The following UGT2A2 variants were observed in gnomAD, a reference collection of about 807,000 sequenced individuals.
UGT2A2 encodes the protein UDP glucuronosyltransferase family 2 member A2, also known as UDP-glucuronosyltransferase 2A2.
Under a neutral mutation model 50.7 loss-of-function variants are expected in UGT2A2, and 60 were observed. The ratio of observed to expected loss-of-function variants is 1.18; its 90% CI spans 0.96 to 1.47. The LOEUF is 1.47. Ranked by LOEUF, UGT2A2 falls within the 40% of genes most tolerant of loss-of-function variation. The pLI, the probability that UGT2A2 is intolerant of heterozygous loss-of-function variation, is 0.00. For synonymous variants in UGT2A2, 242 were observed against 214.6 expected (o/e 1.13, Z -1.11); for missense variants, 762 against 634.0 (o/e 1.20, Z -2.17).
intron 5 of UGT2A2, 78 bp downstream of exon 5, chr4:69,594,399 A>G (rs1366214360): frequency 2.6e-6 from 4 of 1,534,306 alleles, no homozygotes; most frequent in Admixed American, 4.0e-5. Flanking sequence ...TTACAAAAGT[A>G]TAAAAGAATG....
At chr4:69,621,007 T>C (rs558252230) in intron 1 of UGT2A2, among the ~76,000 whole-genome samples, 2 of 152,164 alleles carry the variant, frequency 1.3e-5, no homozygotes, top group Non-Finnish European at 2.9e-5. Context: ...CAACTCAAGA[T>C]GGATTAAAAA....
At chr4:69,615,469 ACC>A (rs765404956) in intron 1 of UGT2A2, among the ~76,000 whole-genome samples, 47 of 152,146 alleles carry the variant, frequency 3.1e-4, no homozygotes, top group Admixed American at 5.9e-4. Context: ...TTTTCCATGT[ACC>A]CATCTGACAA....
intron 1 of UGT2A2, among the ~76,000 whole-genome samples, chr4:69,630,131 C>T (rs988656146): frequency 1.3e-5 from 2 of 151,946 alleles, no homozygotes; most frequent in Non-Finnish European, 1.5e-5. Flanking sequence ...AACTAAAATA[C>T]AGCCATATGG....
intron 1 of UGT2A2, among the ~76,000 whole-genome samples, chr4:69,629,474 A>G (rs1417290310): frequency 6.6e-6 from 1 of 152,022 alleles, no homozygotes; most frequent in Non-Finnish European, 1.5e-5. Context: ...TTGACTAGAT[A>G]GTTTATGTTA....
intron 1 of UGT2A2, among the ~76,000 whole-genome samples, chr4:69,627,568 A>AGAG (rs1560486876): frequency 1.3e-5 from 2 of 148,756 alleles, no homozygotes; most frequent in African/African-American, 2.5e-5. Flanking sequence ...GAGAGAGAGA[A>AGAG]AGAAAGAGAG....
rs1353464439 is a variant in UGT2A2 at position 69,593,594 on chromosome 4, ACT to A, written c.1331+881_1331+882del. On this transcript the variant is annotated intron_variant, in intron 5 of 5. Coordinates refer to ENST00000604629, the MANE Select transcript of UGT2A2 (RefSeq NM_001105677.2). Reference sequence around the variant, plus strand: ...TAATATACTAAGCTATGTATACATAACTCAATATATTTTATAGATTCATTTCA... The same window carrying A: ...TAATATACTAAGCTATGTATACATAACAATATATTTTATAGATTCATTTCA... 3.3e-5 allele frequency among the ~76,000 whole-genome samples: 5 copies of A among 151,536 alleles called. No individual in the cohort carries two copies. The East Asian group carries it at 7.8e-4, about 24-fold the overall frequency.
intron 1 of UGT2A2, among the ~76,000 whole-genome samples, chr4:69,600,568 G>A (rs11721934): frequency 0.14 from 21,284 of 152,118 alleles, 1,689 homozygotes; most frequent in Non-Finnish European, 0.18. Context: ...CATCTCAGTG[G>A]GTGTGTTAGG....
chr4:69,624,049 T>A (rs1720902179), intron 1 of UGT2A2, among the ~76,000 whole-genome samples: 1 of 151,642 alleles, frequency 6.6e-6, no homozygotes, highest in Non-Finnish European at 1.5e-5. Flanking sequence ...TTATTTTCTG[T>A]GTGCTTGTAT....
chr4:69,589,242 G>A lies in UGT2A2; in HGVS notation c.*130C>T, dbSNP rs1222363727. 4.9e-6 allele frequency: 6 copies of A among 1,218,780 alleles called. No homozygotes were observed. Among genetic ancestry groups the A allele is most frequent in the South Asian group, 2.0e-5 (1 of 49,548 alleles). The allele number at this position is 1,218,780 out of a possible 1,614,324, so 75.5% of individuals were successfully genotyped here. On this transcript the variant is annotated 3_prime_UTR_variant, in exon 6 of 6. Transcript: ENST00000604629. ...TATCAGTAGGCTTATCGCAGGTAGA[G>A]AAATAGAAAATTTGGAAACAGGATG...
At position 69,599,345 on chromosome 4, in the gene UGT2A2, T is replaced by G; in HGVS notation, c.792A>C (p.Leu264Phe). Residue 264 changes from leucine (L) to phenylalanine (F), a missense_variant, in exon 2 of 6, where the codon TTA becomes TTC. Transcript: ENST00000604629. ...ATTCAAAATCCCAATATGTTCGGAT[T>G]AACCAAATTTCAGCTTTCCCCATAG... ...CETMGKAEIWLIRTYWDFEFP... is the reference protein window; with the variant it reads ...CETMGKAEIWFIRTYWDFEFP... The G allele has an allele frequency of 6.2e-7, 1 of 1,613,808 alleles. No individual in the cohort carries two copies. The highest frequency in any genetic ancestry group is 8.5e-7 in the Non-Finnish European group (1 of 1,179,900).
chr4:69,633,221 C>A (rs145375022), intron 1 of UGT2A2, among the ~76,000 whole-genome samples: 1 of 152,118 alleles, frequency 6.6e-6, no homozygotes, highest in African/African-American at 2.4e-5. Context: ...ATACTGTACA[C>A]TTTATGCACT....
intron 1 of UGT2A2, among the ~76,000 whole-genome samples, chr4:69,628,360 C>T (rs760069477): frequency 6.6e-6 from 1 of 151,814 alleles, no homozygotes; most frequent in Non-Finnish European, 1.5e-5. Flanking sequence ...TTTCAAAATA[C>T]ACTACAAAGT....
intron 5 of UGT2A2, among the ~76,000 whole-genome samples, chr4:69,591,597 A>T (rs1340636765): frequency 6.6e-6 from 1 of 152,146 alleles, no homozygotes; most frequent in Non-Finnish European, 1.5e-5. Flanking sequence ...ATACTAAGGC[A>T]TATTTGACCC....
In UGT2A2 at chr4:69,639,197, A is replaced by G. The variant is rs1420699036; in HGVS notation, c.444T>C (p.Leu148=). Reference sequence around the variant, plus strand: ...CCAACACATCAAAACCACCTTTCTGAAGTCTTGCCATCAACTTTGGGTTCT... The same window carrying G: ...CCAACACATCAAAACCACCTTTCTGGAGTCTTGCCATCAACTTTGGGTTCT... The part of the protein sequence containing the change: ...VLKNPKLMAR[L]QKGGFDVLVA... Residue 148 remains leucine (L), a synonymous_variant, in exon 1 of 6, where the codon CTT becomes CTC. Coordinates refer to ENST00000604629, the MANE Select transcript of UGT2A2 (RefSeq NM_001105677.2). 1 of 1,613,710 alleles carries G rather than the reference A, an allele frequency of 6.2e-7. No homozygotes were observed. The highest frequency in any genetic ancestry group is 2.2e-5 in the East Asian group (1 of 44,876).
chr4:69,632,641 G>C (rs1329486736), intron 1 of UGT2A2, among the ~76,000 whole-genome samples: 4 of 152,106 alleles, frequency 2.6e-5, no homozygotes, highest in Admixed American at 2.6e-4. Context: ...TGTAATCCCA[G>C]CACTTTGGGA....
In UGT2A2 at chr4:69,594,602, C is replaced by T. The variant is rs150848863; in HGVS notation, c.1206G>A (p.Met402Ile). 8.7e-4 allele frequency: 1,405 copies of T among 1,614,148 alleles called. 14 individuals carry two copies. The African/African-American group carries it at 0.014, about 16-fold the overall frequency. The change falls in exon 5 of 6, where the codon ATG becomes ATA. Residue 402 changes from methionine (M) to isoleucine (I), a missense_variant. Met to Ile is a conservative substitution (Grantham distance 10). Transcript: ENST00000604629. ...YHGVPMVGVP[M>I]FADQPDNIAH... ...CAATGTTATCAGGCTGATCAGCAAA[C>T]ATGGGAACTCCCACCATAGGGACTC...
intron 1 of UGT2A2, among the ~76,000 whole-genome samples, chr4:69,617,765 T>C (rs1720489802): frequency 6.6e-6 from 1 of 151,876 alleles, no homozygotes; most frequent in African/African-American, 2.4e-5. Flanking sequence ...ATAATACACT[T>C]ACTATCTAGG....
rs1252745638 is a variant in UGT2A2, at chr4:69,596,335, AC to A, written c.937del (p.Val313CysfsTer42). On this transcript the variant is annotated frameshift_variant, in exon 3 of 6. Transcript: ENST00000604629. LOFTEE classifies it high-confidence loss of function. ...TTTGACCATTGATCCCAGAGAAAAC[AC>A]CACAACACCATTTTTACCTGAGCTC... ...IQSSGKNGVVVFSLGSMVKNL... is the reference protein window; with the variant it reads ...IQSSGKNGVVXFSLGSMVKNL... 1 of 1,606,790 alleles carries A rather than the reference AC, an allele frequency of 6.2e-7. No homozygotes were observed. Among genetic ancestry groups the A allele is most frequent in the Admixed American group, 1.7e-5 (1 of 59,552 alleles).
At chr4:69,622,465 G>A (rs1381015165) in intron 1 of UGT2A2, among the ~76,000 whole-genome samples, 1 of 151,632 alleles carries the variant, frequency 6.6e-6, no homozygotes, top group African/African-American at 2.4e-5. Context: ...ATTTTTATGT[G>A]TAAGAAAACC....
Sources: gnomAD v4.1 joint callset for allele counts (sites outside exome capture counted in the v4.1 genomes callset) on GRCh38, gnomAD v4.1.1 for gene constraint, MANE v1.5 for transcripts, NCBI Gene and HGNC (gene_info 2026-07-23, HGNC 2026-07-21) for gene names.